Variants in ARHGEF38 observed in about 807,000 individuals in gnomAD.
ARHGEF38 encodes the protein Rho guanine nucleotide exchange factor 38.
Under a neutral mutation model 79.9 loss-of-function variants are expected in ARHGEF38, and 79 were observed. That is an observed-to-expected ratio of 0.99 (90% confidence interval 0.82 to 1.19). ARHGEF38 has a LOEUF of 1.19. ARHGEF38 is among the 50% of genes most tolerant of loss of function. The pLI is 0.00. For synonymous variants in ARHGEF38, 366 were observed against 328.3 expected (o/e 1.11, Z -1.24); for missense variants, 962 against 907.2 (o/e 1.06, Z -0.78).
intron 2 of ARHGEF38, among the ~76,000 whole-genome samples, chr4:105,594,407 G>A (rs1236235957): frequency 6.6e-6 from 1 of 151,922 alleles, no homozygotes; most frequent in Non-Finnish European, 1.5e-5. Context: ...ACAGTTTTCA[G>A]ATAACTATAG....
At chr4:105,668,707 TGATA>T (rs1292497618) in intron 13 of ARHGEF38, among the ~76,000 whole-genome samples, 56 of 148,528 alleles carry the variant, frequency 3.8e-4, no homozygotes, top group East Asian at 1.2e-3. Flanking sequence ...GATAGATAGA[TGATA>T]GATAGATAGA....
At chr4:105,657,595 A>ATG (rs1192346732) in intron 9 of ARHGEF38, among the ~76,000 whole-genome samples, 3 of 150,520 alleles carry the variant, frequency 2.0e-5, no homozygotes, top group Non-Finnish European at 4.4e-5. Context: ...GTCACTGGAT[A>ATG]TATATATATA....
chr4:105,610,766 T>C (rs553086750), intron 2 of ARHGEF38, among the ~76,000 whole-genome samples: 10 of 152,240 alleles, frequency 6.6e-5, no homozygotes, highest in Middle Eastern at 6.8e-3. Context: ...TATGTTTTTG[T>C]TATTTAGTAT....
intron 3 of ARHGEF38, among the ~76,000 whole-genome samples, chr4:105,622,858 C>T (rs968065938): frequency 1.3e-5 from 2 of 152,152 alleles, no homozygotes; most frequent in Non-Finnish European, 1.5e-5. Context: ...ATTTTGCACA[C>T]ATGTTATTTC....
intron 1 of ARHGEF38, chr4:105,561,454 A>AATGGAATGGAATGGAATGGAATGGAATG (rs1560684495): frequency 4.4e-4 from 16 of 36,192 alleles, no homozygotes; most frequent in South Asian, 1.1e-3. Context: ...AGAATGGAAT[A>AATGGAATGGAATGGAATGGAATGGAATG]GAATAGAATA....
intron 7 of ARHGEF38, among the ~76,000 whole-genome samples, chr4:105,653,053 G>T (rs917199419): frequency 2.0e-5 from 3 of 152,104 alleles, no homozygotes; most frequent in Non-Finnish European, 4.4e-5. Context: ...GCCAGGATGA[G>T]GCTGGTTCCG....
In ARHGEF38 at chr4:105,679,104, C is replaced by T. The variant is rs1731216401; in HGVS notation, c.*1167C>T. The T allele has an allele frequency of 1.8e-6, 1 of 569,292 alleles. No homozygotes were observed. Among genetic ancestry groups the T allele is most frequent in the Non-Finnish European group, 2.8e-6 (1 of 362,702 alleles). The allele number at this position is 569,292 out of a possible 1,614,324, so 35.3% of individuals were successfully genotyped here. A position where few individuals can be genotyped will look rare whatever the true frequency, so the allele number is the denominator to read the frequency against. On this transcript the variant is annotated 3_prime_UTR_variant, in exon 14 of 14. Transcript: ENST00000420470. ...TTCTTGATCTATTTCTGTTCCACTT[C>T]GTCTTCTACCATCTTGCCGACTTTC...
At chr4:105,558,587 G>C (rs1398014229) in intron 1 of ARHGEF38, among the ~76,000 whole-genome samples, 1 of 152,116 alleles carries the variant, frequency 6.6e-6, no homozygotes, top group East Asian at 1.9e-4. Flanking sequence ...TGCATATATA[G>C]AAACCAGTGT....
At chr4:105,648,053 C>A (rs1729925986) in intron 6 of ARHGEF38, among the ~76,000 whole-genome samples, 2 of 151,766 alleles carry the variant, frequency 1.3e-5, no homozygotes, top group Non-Finnish European at 2.9e-5. Flanking sequence ...CCATGCCAGG[C>A]TAATTTTTGT....
chr4:105,658,302 G>T (rs769744751), intron 9 of ARHGEF38, among the ~76,000 whole-genome samples: 1 of 152,136 alleles, frequency 6.6e-6, no homozygotes. Context: ...CTAGCTATTC[G>T]GGAGGCTGAG....
At chr4:105,626,202 CT>C (rs1218205614) in intron 3 of ARHGEF38, among the ~76,000 whole-genome samples, 1 of 152,186 alleles carries the variant, frequency 6.6e-6, no homozygotes. Flanking sequence ...CGTCATCTTT[CT>C]CATTAAACTC....
Position 105,671,019 on chromosome 4 carries a change from C to T in ARHGEF38, c.2148+3316C>T, listed in dbSNP as rs536740192. ...CTATCAATATATATAATGTGAATTACATCCATTAGAGATTTCCATTACCAA... is the reference window on the plus strand; with the variant it reads ...CTATCAATATATATAATGTGAATTATATCCATTAGAGATTTCCATTACCAA... On this transcript the variant is annotated intron_variant, in intron 13 of 13. Coordinates refer to ENST00000420470, the MANE Select transcript of ARHGEF38 (RefSeq NM_001242729.2). Among the ~76,000 whole-genome samples, 8 of 152,252 alleles carry T rather than the reference C, an allele frequency of 5.3e-5. No homozygotes were observed. The East Asian group carries it at 1.2e-3, about 22-fold the overall frequency.
At chr4:105,619,347 T>TCAGCTGGC (rs1212056199) in intron 3 of ARHGEF38, among the ~76,000 whole-genome samples, 1 of 151,822 alleles carries the variant, frequency 6.6e-6, no homozygotes, top group Non-Finnish European at 1.5e-5. Context: ...AAGGTCCTTG[T>TCAGCTGGC]CAGCTGGCCA....
At chr4:105,606,339 C>A (rs1728040097) in intron 2 of ARHGEF38, among the ~76,000 whole-genome samples, 1 of 151,968 alleles carries the variant, frequency 6.6e-6, no homozygotes, top group South Asian at 2.1e-4. Flanking sequence ...TTTCTCCCTT[C>A]TTCTACAATT....
At chr4:105,652,111 G>C (rs1730128344) in intron 7 of ARHGEF38, among the ~76,000 whole-genome samples, 3 of 152,210 alleles carry the variant, frequency 2.0e-5, no homozygotes, top group Admixed American at 2.0e-4. Flanking sequence ...GGGCAGCCAA[G>C]TGTCCAACTT....
At chr4:105,588,045 T>A (rs1239368283) in intron 1 of ARHGEF38, among the ~76,000 whole-genome samples, 7 of 152,238 alleles carry the variant, frequency 4.6e-5, no homozygotes, top group Admixed American at 4.6e-4. Flanking sequence ...TTTTAAAGTG[T>A]CTGTTCACAT....
At chr4:105,587,551 C>G (rs1293662143) in intron 1 of ARHGEF38, among the ~76,000 whole-genome samples, 1 of 152,168 alleles carries the variant, frequency 6.6e-6, no homozygotes, top group African/African-American at 2.4e-5. Context: ...AGCTCCACCT[C>G]CCGGGTTCAT....
At chr4:105,646,417 C>T (rs1443149756) in intron 6 of ARHGEF38, among the ~76,000 whole-genome samples, 3 of 152,114 alleles carry the variant, frequency 2.0e-5, no homozygotes, top group Admixed American at 6.5e-5. Flanking sequence ...TTCATTTATA[C>T]TCAGGGAAAT....
intron 1 of ARHGEF38, among the ~76,000 whole-genome samples, chr4:105,557,217 G>GTA (rs572535882): frequency 4.9e-4 from 74 of 152,008 alleles, no homozygotes; most frequent in African/African-American, 1.7e-3. Context: ...ATATATATGT[G>GTA]TATATATATG....
Sources: gnomAD v4.1 joint callset for allele counts (sites outside exome capture counted in the v4.1 genomes callset) on GRCh38, gnomAD v4.1.1 for gene constraint, MANE v1.5 for transcripts, NCBI Gene and HGNC (gene_info 2026-07-23, HGNC 2026-07-21) for gene names.